Variants in LRRK2 observed in about 807,000 individuals in gnomAD.
LRRK2 encodes leucine rich repeat kinase 2.
Under a neutral mutation model 302.6 loss-of-function variants are expected in LRRK2, and 203 were observed. The ratio of observed to expected loss-of-function variants is 0.67; its 90% CI spans 0.60 to 0.75. The LOEUF (loss-of-function observed/expected upper bound fraction) is 0.75. Ranked by LOEUF, LRRK2 falls within the 30% of genes least tolerant of loss-of-function variation. The pLI is 0.00. For missense variants in LRRK2, 2,830 were observed against 2,951.0 expected, an observed-to-expected ratio of 0.96 and a Z score of 0.95; for synonymous variants, 1,066 against 1,031.9, an observed-to-expected ratio of 1.03 and a Z score of -0.63.
intron 31 of LRRK2, among the ~76,000 whole-genome samples, chr12:40,311,199 A>T (rs1179190200): frequency 6.6e-6 from 1 of 152,084 alleles, no homozygotes; most frequent in Non-Finnish European, 1.5e-5. Flanking sequence ...AAGACCACTA[A>T]CTTGGTTTTC....
At chr12:40,334,575 T>C (rs768797985) in intron 39 of LRRK2, among the ~76,000 whole-genome samples, 1 of 152,196 alleles carries the variant, frequency 6.6e-6, no homozygotes. Flanking sequence ...AAAATCATAA[T>C]GAAGAGAAAT....
At chr12:40,287,107 T>C (rs1248540159) in intron 19 of LRRK2, among the ~76,000 whole-genome samples, 1 of 151,986 alleles carries the variant, frequency 6.6e-6, no homozygotes, top group Non-Finnish European at 1.5e-5. Context: ...TGAATAAAGT[T>C]AGTTCCATAG....
intron 46 of LRRK2, among the ~76,000 whole-genome samples, chr12:40,356,566 A>T (rs574551896): frequency 2.6e-4 from 39 of 152,320 alleles, no homozygotes; most frequent in African/African-American, 8.2e-4. Context: ...TGAAGAAATC[A>T]TTTAATTTTC....
chr12:40,284,204 A>T (rs1943822591), intron 19 of LRRK2, 71 bp downstream of exon 19: 2 of 1,391,954 alleles, frequency 1.4e-6, no homozygotes, highest in African/African-American at 2.9e-5. Flanking sequence ...CTAGTCTTTT[A>T]GTGGTTATTC....
At chr12:40,253,295 T>G (rs1459359548) in intron 11 of LRRK2, among the ~76,000 whole-genome samples, 5 of 152,200 alleles carry the variant, frequency 3.3e-5, no homozygotes, top group Non-Finnish European at 7.4e-5. Flanking sequence ...AATGGGATCA[T>G]ATTATACTCT....
At chr12:40,263,402 C>A (rs202138852) in intron 13 of LRRK2, among the ~76,000 whole-genome samples, 1 of 2,264 alleles carries the variant, frequency 4.4e-4, no homozygotes, top group Admixed American at 4.4e-3. Context: ...TTCATTTCTG[C>A]CTTTTTATGT....
At chr12:40,301,133 A>C in intron 25 of LRRK2, 1 of 456,440 alleles carries the variant, frequency 2.2e-6, no homozygotes, top group South Asian at 1.5e-5. Context: ...TTTGCTTTGC[A>C]CTACACAATC....
At chr12:40,346,625 A>G (rs1312837627) in intron 41 of LRRK2, 128 bp from the exon 42 acceptor site, 2 of 856,608 alleles carry the variant, frequency 2.3e-6, no homozygotes. Context: ...TGTTATAAAA[A>G]TAACACAGCC....
chr12:40,282,018 C>A (rs571817669), intron 18 of LRRK2, among the ~76,000 whole-genome samples: 3 of 6,802 alleles, frequency 4.4e-4, no homozygotes, highest in African/African-American at 1.8e-3. Flanking sequence ...CGCTTCCCTT[C>A]CCTTCCCTTC....
intron 21 of LRRK2, among the ~76,000 whole-genome samples, chr12:40,294,528 A>G (rs886411062): frequency 6.6e-6 from 1 of 152,104 alleles, no homozygotes; most frequent in African/African-American, 2.4e-5. Flanking sequence ...TCGAATTTAT[A>G]TATAAATTTA....
chr12:40,364,923 G>C lies in LRRK2; in HGVS notation c.7263G>C (p.Lys2421Asn), dbSNP rs200811557. ...GAGTGAAAACCCTCTGCCTTCAGAAGAACACTGCTCTTTGGATAGGAACTG... is the reference window on the plus strand; with the variant it reads ...GAGTGAAAACCCTCTGCCTTCAGAACAACACTGCTCTTTGGATAGGAACTG... ...SGRVKTLCLQ[K>N]NTALWIGTGG... Residue 2421 changes from lysine to asparagine, a missense_variant, in exon 49 of 51, where the codon AAG becomes AAC. Physicochemically the swap from Lys to Asn is moderately conservative, Grantham distance 94 (BLOSUM62 0). This residue lies in a region of LRRK2 where 456 missense variants were observed against 456.3 expected (regional missense o/e 1.00). Coordinates refer to ENST00000298910, the MANE Select transcript of LRRK2 (RefSeq NM_198578.4). The C allele has an allele frequency of 9.9e-6, 16 of 1,612,428 alleles. No homozygotes were observed. The highest frequency in any genetic ancestry group is 1.4e-5 in the Non-Finnish European group (16 of 1,179,088).
chr12:40,225,057 G>A lies in LRRK2; in HGVS notation c.-75G>A. 6 of 1,591,794 alleles carry A rather than the reference G, an allele frequency of 3.8e-6. No homozygotes were observed. Among genetic ancestry groups the A allele is most frequent in the Non-Finnish European group, 5.1e-6 (6 of 1,166,544 alleles). ...CTGAGCTCGCCCCCGGGGAGCTGTG[G>A]CCGGCGCCCCTGCCGGTTCCCTGAG... On this transcript the variant is annotated 5_prime_UTR_variant, in exon 1 of 51. Coordinates refer to ENST00000298910, the MANE Select transcript of LRRK2 (RefSeq NM_198578.4).
In LRRK2 at chr12:40,274,877, C is replaced by G. The variant is rs142717718; in HGVS notation, c.1825C>G (p.Leu609Val). The G allele has an allele frequency of 3.7e-5, 60 of 1,611,424 alleles. No individual in the cohort carries two copies. The highest frequency in any genetic ancestry group is 5.0e-5 in the Non-Finnish European group (59 of 1,177,998). Residue 609 changes from leucine (L) to valine (V), a missense_variant, in exon 16 of 51, where the codon CTT becomes GTT. Coordinates refer to ENST00000298910, the MANE Select transcript of LRRK2 (RefSeq NM_198578.4). ...AGAAATTCAGTGTCTGGGTTTAAGT[C>G]TTATAGGATACTTGATTACAAAGAA... ...DQEIQCLGLS[L>V]IGYLITKKNV...
intron 20 of LRRK2, among the ~76,000 whole-genome samples, chr12:40,291,129 G>A (rs1167526151): frequency 6.6e-6 from 1 of 151,844 alleles, no homozygotes; most frequent in East Asian, 1.9e-4. Flanking sequence ...GTCCTTTGTA[G>A]GGACATGGAT....
chr12:40,285,224 A>G (rs1943873380), intron 19 of LRRK2, among the ~76,000 whole-genome samples: 1 of 152,066 alleles, frequency 6.6e-6, no homozygotes, highest in Non-Finnish European at 1.5e-5. Flanking sequence ...ACCCTATAGC[A>G]CTTTATTTCT....
At chr12:40,307,781 C>CTTTTTTTTTTTTTTTTT (rs201473630) in intron 28 of LRRK2, among the ~76,000 whole-genome samples, 2 of 119,370 alleles carry the variant, frequency 1.7e-5, no homozygotes, top group Admixed American at 9.6e-5. Flanking sequence ...CTTTTCTTTT[C>CTTTTTTTTTTTTTTTTT]TTTTTTTTTT....
At chr12:40,355,395 A>G (rs7963987) in intron 45 of LRRK2, among the ~76,000 whole-genome samples, 116,196 of 151,424 alleles carry the variant, frequency 0.77, 45,428 homozygotes, top group Non-Finnish European at 0.85. Context: ...GTTGGAAGGA[A>G]GTGGGAGCAG....
At chr12:40,268,014 G>A (rs1234518420) in intron 14 of LRRK2, among the ~76,000 whole-genome samples, 1 of 152,172 alleles carries the variant, frequency 6.6e-6, no homozygotes, top group African/African-American at 2.4e-5. Context: ...TATTTATAAA[G>A]CGAATCCATG....
In LRRK2 at chr12:40,225,238, T is replaced by C. The variant is rs1371271059; in HGVS notation, c.107T>C (p.Val36Ala). Residue 36 changes from valine to alanine, a missense_variant, in exon 1 of 51, where the codon GTC becomes GCC. By Grantham distance (64) the Val-to-Ala change is moderately conservative. Coordinates refer to ENST00000298910, the MANE Select transcript of LRRK2 (RefSeq NM_198578.4). Reference sequence around the variant, plus strand: ...GAAGGAAAACAGATAGAAACGCTGGTCCAAATCCTGGAGGATCTGCTGGTG... The same window carrying C: ...GAAGGAAAACAGATAGAAACGCTGGCCCAAATCCTGGAGGATCTGCTGGTG... Reference protein sequence around the residue: ...VQEGKQIETLVQILEDLLVFT... With the variant: ...VQEGKQIETLAQILEDLLVFT... 6.2e-7 allele frequency: 1 copy of C among 1,614,034 alleles called. No homozygotes were observed. The highest frequency in any genetic ancestry group is 8.5e-7 in the Non-Finnish European group (1 of 1,180,018).
Sources: allele counts gnomAD v4.1 joint callset (sites outside exome capture counted in the v4.1 genomes callset), GRCh38; gene constraint gnomAD v4.1.1; regional missense constraint gnomAD v4.1.1; transcripts MANE v1.5; gene names NCBI Gene and HGNC (gene_info 2026-07-23, HGNC 2026-07-21).